The following SACS variants were observed in gnomAD, a reference collection of about 807,000 sequenced individuals.
SACS encodes the protein sacsin.
In SACS, 197 loss-of-function variants were observed where a neutral mutation model predicts 348.0. That is an observed-to-expected ratio of 0.57 (90% confidence interval 0.50 to 0.64). The LOEUF (loss-of-function observed/expected upper bound fraction) is 0.64. Ranked by LOEUF, SACS falls within the 30% of genes least tolerant of loss-of-function variation. SACS has a pLI of 0.00. For synonymous variants in SACS, 1,985 were observed against 1,910.6 expected (o/e 1.04, Z -1.02); for missense variants, 4,999 against 5,360.8 (o/e 0.93, Z 2.11).
At chr13:23,342,280 T>C (rs934235474) in intron 9 of SACS, among the ~76,000 whole-genome samples, 2 of 152,226 alleles carry the variant, frequency 1.3e-5, no homozygotes, top group East Asian at 3.8e-4. Context: ...ATATGTTTTT[T>C]AAAGTATCCT....
At chr13:23,404,066 T>C (rs140844711) in intron 2 of SACS, among the ~76,000 whole-genome samples, 3,789 of 152,344 alleles carry the variant, frequency 0.025, 70 homozygotes, top group Middle Eastern at 0.037. Flanking sequence ...TGAGTGAGTT[T>C]CTTAATCCTA....
intron 1 of SACS, among the ~76,000 whole-genome samples, chr13:23,412,325 T>G (rs1873522622): frequency 6.6e-6 from 1 of 152,150 alleles, no homozygotes; most frequent in Non-Finnish European, 1.5e-5. Flanking sequence ...TCTATTTCTC[T>G]GACTTCTTCC....
chr13:23,355,955 T>C lies in SACS; in HGVS notation c.657A>G (p.Gln219=), dbSNP rs1870359828. The change falls in exon 8 of 10, where the codon CAA becomes CAG. Residue 219 remains glutamine, a synonymous_variant. Coordinates refer to ENST00000382292, the MANE Select transcript of SACS (RefSeq NM_014363.6). The part of the protein sequence containing the change: ...GDQIGMLDPH[Q]TLFGPHESGQ... Reference sequence around the variant, plus strand: ...CTGATTCATGTGGGCCAAAAAGTGTTTGATGAGGATCTAGCATCCCGATTT... The same window carrying C: ...CTGATTCATGTGGGCCAAAAAGTGTCTGATGAGGATCTAGCATCCCGATTT... 3 of 1,613,986 alleles carry C rather than the reference T, an allele frequency of 1.9e-6. No homozygotes were observed. The highest frequency in any genetic ancestry group is 3.3e-5 in the Admixed American group (2 of 60,006).
Position 23,339,732 on chromosome 13 carries a change from G to A in SACS, c.4144C>T (p.His1382Tyr), listed in dbSNP as rs1220732912. ...AGTTTAGAAGGATTTTTGCTATGAT[G>A]TATAGGAACTGGTGTGTTGGGGCTT... ...PASPNTPVPIHHSKNPSKLIM... is the reference protein window; with the variant it reads ...PASPNTPVPIYHSKNPSKLIM... Residue 1382 changes from histidine (H) to tyrosine (Y), a missense_variant, in exon 10 of 10, where the codon CAT becomes TAT. Physicochemically the swap from His to Tyr is moderately conservative, Grantham distance 83. Around this residue, in one of 6 missense-constraint regions of SACS, gnomAD observed 3,156 missense variants for 3,380.1 expected, o/e 0.93. Transcript: ENST00000382292. 20 of 1,614,122 alleles carry A rather than the reference G, an allele frequency of 1.2e-5. No individual in the cohort carries two copies. Among genetic ancestry groups the A allele is most frequent in the Non-Finnish European group, 1.6e-5 (19 of 1,179,982 alleles).
At chr13:23,376,621 C>CCA (rs1284681683) in intron 2 of SACS, among the ~76,000 whole-genome samples, 2 of 152,154 alleles carry the variant, frequency 1.3e-5, no homozygotes, top group Non-Finnish European at 2.9e-5. Context: ...ATCTCTCTTA[C>CCA]CACAGTTAAA....
intron 9 of SACS, 25 bp downstream of exon 9, chr13:23,353,760 T>C: frequency 1.5e-6 from 2 of 1,348,634 alleles, no homozygotes; most frequent in Non-Finnish European, 1.1e-6. Flanking sequence ...AGAAGTTTAT[T>C]TAAAAGAATA....
In SACS at chr13:23,335,824, A is replaced by C; in HGVS notation, c.8052T>G (p.Leu2684=). 6.2e-7 allele frequency: 1 copy of C among 1,614,008 alleles called. No individual in the cohort carries two copies. Among genetic ancestry groups the C allele is most frequent in the Non-Finnish European group, 8.5e-7 (1 of 1,179,904 alleles). ...FRTQFSDVLD[L]YLGTHFKLDN... is the part of the protein sequence containing the mutation. ...CCAGTTTAAAATGGGTTCCCAGATA[A>C]AGATCCAGAACATCTGAGAACTGTG... The change falls in exon 10 of 10, where the codon CTT becomes CTG. Residue 2684 remains leucine, a synonymous_variant. Transcript: ENST00000382292. This position sits in a 1 kb window ranked among gnomAD's most constrained non-coding sequence, Gnocchi z 4.7.
chr13:23,330,615 G>A lies in SACS; in HGVS notation c.13261C>T (p.Pro4421Ser). The A allele has an allele frequency of 1.2e-6, 2 of 1,613,812 alleles. No homozygotes were observed. Among genetic ancestry groups the A allele is most frequent in the Non-Finnish European group, 1.7e-6 (2 of 1,179,960 alleles). Residue 4421 changes from proline (P) to serine (S), a missense_variant, in exon 10 of 10, where the codon CCC becomes TCC. Pro to Ser is a moderately conservative substitution (Grantham distance 74). Coordinates refer to ENST00000382292, the MANE Select transcript of SACS (RefSeq NM_014363.6). ...ERQQQNKEKC[P>S]PSAGQTYSQR... ...GAGTAAGTCTGTCCGGCTGAAGGGG[G>A]GCATTTTTCTTTGTTCTGTTGCTGT... is the stretch of plus-strand genomic sequence containing the variant.
Position 23,338,574 on chromosome 13 carries a change from G to T in SACS, c.5302C>A (p.His1768Asn). The T allele has an allele frequency of 6.2e-7, 1 of 1,614,104 alleles. No homozygotes were observed. The highest frequency in any genetic ancestry group is 2.2e-5 in the East Asian group (1 of 44,876). ...TCAGCAATCCTTCTGAACACATGGTGAAATTCTTCCACTGTGATCTGAAGA... is the reference window on the plus strand; with the variant it reads ...TCAGCAATCCTTCTGAACACATGGTTAAATTCTTCCACTGTGATCTGAAGA... Reference protein sequence around the residue: ...CILQITVEEFHHVFRRIADLQ... With the variant: ...CILQITVEEFNHVFRRIADLQ... The change falls in exon 10 of 10, where the codon CAC becomes AAC. Residue 1768 changes from histidine (H) to asparagine (N), a missense_variant. His to Asn is a moderately conservative substitution (Grantham distance 68). Transcript: ENST00000382292.
rs765626875 is a variant in SACS at position 23,337,364 on chromosome 13, G to C, written c.6512C>G (p.Ala2171Gly). 6.2e-7 allele frequency: 1 copy of C among 1,613,818 alleles called. No homozygotes were observed. Among genetic ancestry groups the C allele is most frequent in the Non-Finnish European group, 8.5e-7 (1 of 1,179,902 alleles). Residue 2171 changes from alanine (A) to glycine (G), a missense_variant, in exon 10 of 10, where the codon GCT (alanine) becomes GGT (glycine). By Grantham distance (60) the Ala-to-Gly change is moderately conservative. Coordinates refer to ENST00000382292, the MANE Select transcript of SACS (RefSeq NM_014363.6). ...AACATGATCACTTTTATTAATTTCA[G>C]CTACTGACACTGCACGTTCTAGCAT... ...DDMLERAVSV[A>G]EINKSDHVAA...
intron 2 of SACS, among the ~76,000 whole-genome samples, chr13:23,377,629 G>T (rs1871868883): frequency 6.6e-6 from 1 of 152,170 alleles, no homozygotes; most frequent in East Asian, 1.9e-4. Flanking sequence ...CGCTCTCGGA[G>T]CTCTCCTGTG....
chr13:23,366,463 T>C (rs1871070149), intron 5 of SACS, among the ~76,000 whole-genome samples: 1 of 152,188 alleles, frequency 6.6e-6, no homozygotes, highest in Non-Finnish European at 1.5e-5. Flanking sequence ...TTTTAATTTT[T>C]TAGGCCTCAT....
intron 9 of SACS, among the ~76,000 whole-genome samples, chr13:23,344,343 T>G (rs1869467062): frequency 6.6e-6 from 1 of 152,138 alleles, no homozygotes; most frequent in African/African-American, 2.4e-5. Context: ...TATACCTACC[T>G]TCAGGAAAAT....
intron 1 of SACS, among the ~76,000 whole-genome samples, chr13:23,412,172 T>C (rs1189422037): frequency 6.6e-6 from 1 of 151,978 alleles, no homozygotes; most frequent in Non-Finnish European, 1.5e-5. Context: ...GGCAGGAGAA[T>C]GGCGTGAACC....
intron 1 of SACS, chr13:23,419,278 G>A (rs1234302076): frequency 2.6e-5 from 4 of 152,490 alleles, no homozygotes; most frequent in Non-Finnish European, 5.9e-5. Flanking sequence ...GTGGCACCCA[G>A]GGACTGCGGG....
chr13:23,385,864 C>T lies in SACS; in HGVS notation c.21-10595G>A, dbSNP rs968660372. Among the ~76,000 whole-genome samples, 73 of 152,302 alleles carry T rather than the reference C, an allele frequency of 4.8e-4. 2 individuals are homozygous for T. The highest frequency in any genetic ancestry group is 1.7e-3 in the African/African-American group (71 of 41,568). On this transcript the variant is annotated intron_variant, in intron 2 of 9. Transcript: ENST00000382292. ...GGATGCTGTGTTAGCAGGCAGGAAA[C>T]GATATTCATCGCCTTGTACTTCTCC...
rs61754478 is a variant in SACS, at chr13:23,336,736, A to T, written c.7140T>A (p.Asn2380Lys). The T allele has an allele frequency of 2.7e-4, 431 of 1,613,760 alleles. No individual in the cohort carries two copies. Among genetic ancestry groups the T allele is most frequent in the Non-Finnish European group, 2.4e-4 (288 of 1,179,890 alleles). Residue 2380 changes from asparagine to lysine, a missense_variant, in exon 10 of 10, where the codon AAT (asparagine) becomes AAA (lysine). Transcript: ENST00000382292. ...CGGTTTCAAAAAGTTCGCGGAAATT[A>T]TTTTTATACTTATTAGGCAACTGAT... is the stretch of plus-strand genomic sequence containing the variant. Reference protein sequence around the residue: ...YLYQLPNKYKNNFRELFETVG... With the variant: ...YLYQLPNKYKKNFRELFETVG...
At chr13:23,344,381 C>T (rs1003016961) in intron 9 of SACS, among the ~76,000 whole-genome samples, 4 of 151,244 alleles carry the variant, frequency 2.6e-5, no homozygotes, top group African/African-American at 9.7e-5. Context: ...AAATTAAATG[C>T]CAACAAAACA....
chr13:23,341,780 CTTTTTTTTTTTTT>C (rs4068499), intron 9 of SACS, 90 bp from the exon 10 acceptor site: 79 of 299,012 alleles, frequency 2.6e-4, no homozygotes, highest in Non-Finnish European at 3.5e-4. Flanking sequence ...CTGGAAGGTT[CTTTTTTTTTTTTT>C]TTTTTTTTTT....
Sources: allele counts gnomAD v4.1 joint callset (sites outside exome capture counted in the v4.1 genomes callset), GRCh38; gene constraint gnomAD v4.1.1; regional missense constraint gnomAD v4.1.1; non-coding constraint Gnocchi (gnomAD v3.1); transcripts MANE v1.5; gene names NCBI Gene and HGNC (gene_info 2026-07-23, HGNC 2026-07-21).